The following IQGAP2 variants were observed in gnomAD, a reference collection of about 807,000 sequenced individuals.
IQGAP2 encodes the protein ras GTPase-activating-like protein IQGAP2.
IQGAP2 carries 173 observed loss-of-function variants against 201.3 expected under a neutral mutation model. The ratio of observed to expected loss-of-function variants is 0.86; its 90% confidence interval spans 0.76 to 0.98. The LOEUF is 0.98. Ranked by LOEUF, IQGAP2 falls within the 50% of genes least tolerant of loss-of-function variation. IQGAP2 has a pLI of 0.00. For synonymous variants in IQGAP2, 675 were observed against 673.9 expected (o/e 1.00, Z -0.03); for missense variants, 1,687 against 1,864.8 (o/e 0.90, Z 1.76).
At chr5:76,428,781 C>G (rs1752159859) in intron 1 of IQGAP2, among the ~76,000 whole-genome samples, 1 of 100,580 alleles carries the variant, frequency 9.9e-6, no homozygotes. Flanking sequence ...CTTACTAAAC[C>G]AACTTACTTA....
intron 5 of IQGAP2, among the ~76,000 whole-genome samples, chr5:76,582,497 G>A (rs1580514397): frequency 6.6e-6 from 1 of 152,220 alleles, no homozygotes; most frequent in South Asian, 2.1e-4. Flanking sequence ...CTAGTCCTGT[G>A]GTCTTTCTGC....
chr5:76,414,998 C>T (rs1446744000), intron 1 of IQGAP2, among the ~76,000 whole-genome samples: 1 of 152,158 alleles, frequency 6.6e-6, no homozygotes, highest in Non-Finnish European at 1.5e-5. Flanking sequence ...TAAGACAAAC[C>T]AAACAGGGAG....
At chr5:76,663,644 C>A (rs6869755) in intron 21 of IQGAP2, among the ~76,000 whole-genome samples, 1 of 152,088 alleles carries the variant, frequency 6.6e-6, no homozygotes, top group Admixed American at 6.5e-5. Flanking sequence ...TTTCTTACTG[C>A]GGGTCCCAGA....
chr5:76,661,914 TG>T (rs2150456090), intron 21 of IQGAP2, among the ~76,000 whole-genome samples: 1 of 152,216 alleles, frequency 6.6e-6, no homozygotes, highest in East Asian at 1.9e-4. Flanking sequence ...AGGGGAAAGG[TG>T]GTGGCAAAAG....
chr5:76,675,413 T>C (rs1744720913), intron 27 of IQGAP2, among the ~76,000 whole-genome samples: 1 of 152,252 alleles, frequency 6.6e-6, no homozygotes, highest in Non-Finnish European at 1.5e-5. Flanking sequence ...ACCCAGATTT[T>C]ATATTTGTTG....
intron 32 of IQGAP2, among the ~76,000 whole-genome samples, chr5:76,696,312 G>C (rs574842021): frequency 6.6e-6 from 1 of 152,308 alleles, no homozygotes; most frequent in South Asian, 2.1e-4. Flanking sequence ...ATGGAACTCT[G>C]TGTCCCTGAT....
chr5:76,404,121 C>G (rs1312797173), intron 1 of IQGAP2, among the ~76,000 whole-genome samples: 1 of 152,150 alleles, frequency 6.6e-6, no homozygotes, highest in Non-Finnish European at 1.5e-5. Context: ...TCACCTGACC[C>G]GCTAGAGCCA....
intron 1 of IQGAP2, among the ~76,000 whole-genome samples, chr5:76,407,108 T>C (rs1206150063): frequency 1.3e-5 from 2 of 152,034 alleles, no homozygotes; most frequent in African/African-American, 2.4e-5. Context: ...CCCTCCTGAG[T>C]AGCTGGTACT....
intron 13 of IQGAP2, chr5:76,618,645 G>A (rs1311395575): frequency 6.2e-7 from 1 of 1,602,780 alleles, no homozygotes; most frequent in South Asian, 1.1e-5. Flanking sequence ...TTCCATGCCT[G>A]TAATTGAAAG....
At chr5:76,530,794 A>G (rs368163283) in intron 2 of IQGAP2, among the ~76,000 whole-genome samples, 1 of 152,262 alleles carries the variant, frequency 6.6e-6, no homozygotes, top group East Asian at 1.9e-4. Context: ...GAAACCACAT[A>G]AAGCATTTCT....
chr5:76,526,235 C>T (rs1039924873), intron 2 of IQGAP2, among the ~76,000 whole-genome samples: 1 of 152,186 alleles, frequency 6.6e-6, no homozygotes, highest in Non-Finnish European at 1.5e-5. Flanking sequence ...CATGCCTAGC[C>T]TCACTCTTTG....
intron 13 of IQGAP2, among the ~76,000 whole-genome samples, chr5:76,619,692 ATT>A (rs545549597): frequency 9.5e-4 from 144 of 151,608 alleles, no homozygotes; most frequent in Admixed American, 1.9e-3. Context: ...AATTTTTTGT[ATT>A]TTTTTAGTAG....
In IQGAP2 at chr5:76,682,864, G is replaced by T. The variant is rs112305291; in HGVS notation, c.3661-251G>T. 3.4e-3 allele frequency among the ~76,000 whole-genome samples: 515 copies of T among 152,256 alleles called. 4 individuals carry two copies. Among genetic ancestry groups the T allele is most frequent in the African/African-American group, 0.012 (484 of 41,546 alleles). On this transcript the variant is annotated intron_variant, in intron 28 of 35. Transcript: ENST00000274364. Reference sequence around the variant, plus strand: ...AAGCACAGAGATCAGGTGGTAGAAGGCTTCCCTTTGGCAGACCTTGCTGAA... The same window carrying T: ...AAGCACAGAGATCAGGTGGTAGAAGTCTTCCCTTTGGCAGACCTTGCTGAA...
Position 76,588,640 on chromosome 5 carries a change from A to G in IQGAP2, c.459-266A>G, listed in dbSNP as rs895127585. ...TGTTTCTTGTTCTCCATACAAATGGATGATGCAGAGTTAGCTGGCTCTGTA... is the reference window on the plus strand; with the variant it reads ...TGTTTCTTGTTCTCCATACAAATGGGTGATGCAGAGTTAGCTGGCTCTGTA... On this transcript the variant is annotated intron_variant, in intron 5 of 35. Coordinates refer to ENST00000274364, the MANE Select transcript of IQGAP2 (RefSeq NM_006633.5). 4.6e-5 allele frequency among the ~76,000 whole-genome samples: 7 copies of G among 152,316 alleles called. No homozygotes were observed. In the South Asian group the frequency reaches 1.4e-3, roughly 32 times the overall value.
At chr5:76,625,298 T>G (rs891601660) in intron 13 of IQGAP2, among the ~76,000 whole-genome samples, 2 of 152,152 alleles carry the variant, frequency 1.3e-5, no homozygotes, top group Non-Finnish European at 2.9e-5. Flanking sequence ...TCTTCTACAG[T>G]GATAAGTTAT....
chr5:76,675,448 T>C (rs1416615067), intron 27 of IQGAP2, among the ~76,000 whole-genome samples: 1 of 152,268 alleles, frequency 6.6e-6, no homozygotes, highest in Non-Finnish European at 1.5e-5. Context: ...GAATATGTTC[T>C]GTTCTATTCT....
intron 21 of IQGAP2, among the ~76,000 whole-genome samples, chr5:76,662,598 G>A (rs899951054): frequency 1.3e-5 from 2 of 152,202 alleles, no homozygotes; most frequent in African/African-American, 4.8e-5. Context: ...ATTTGAGGGA[G>A]TTGAACGATT....
At chr5:76,574,532 G>C (rs1389196128) in intron 4 of IQGAP2, among the ~76,000 whole-genome samples, 1 of 152,194 alleles carries the variant, frequency 6.6e-6, no homozygotes, top group African/African-American at 2.4e-5. Context: ...GCCTCCCAAA[G>C]TGTTGGGATT....
intron 2 of IQGAP2, among the ~76,000 whole-genome samples, chr5:76,478,038 G>A (rs1374867619): frequency 6.6e-6 from 1 of 152,110 alleles, no homozygotes; most frequent in Admixed American, 6.6e-5. Context: ...AGTAAGCTAG[G>A]GTTAATTTAT....
Sources: allele counts gnomAD v4.1 joint callset (sites outside exome capture counted in the v4.1 genomes callset), GRCh38; gene constraint gnomAD v4.1.1; transcripts MANE v1.5; gene names NCBI Gene and HGNC (gene_info 2026-07-23, HGNC 2026-07-21).